The following RPS6KC1 variants were observed in gnomAD, a reference collection of about 807,000 sequenced individuals.
RPS6KC1 encodes the protein ribosomal protein S6 kinase C1.
A neutral mutation model predicts 103.8 loss-of-function variants in RPS6KC1; 54 were observed. That is an observed-to-expected ratio of 0.52 (90% confidence interval 0.42 to 0.65). The LOEUF (loss-of-function observed/expected upper bound fraction) is 0.65. RPS6KC1 is among the 30% of genes least tolerant of loss of function. The pLI, the probability that RPS6KC1 is intolerant of heterozygous loss-of-function variation, is 0.00. For missense variants in RPS6KC1, 1,151 were observed against 1,253.8 expected (o/e 0.92, Z 1.24); for synonymous variants, 439 against 438.7 (o/e 1.00, Z -0.01).
At chr1:213,804,660 T>C in the RPS6KC1 span, among the ~76,000 whole-genome samples, 1 of 152,244 alleles carries the variant, frequency 6.6e-6, no homozygotes, top group Non-Finnish European at 1.5e-5. Flanking sequence ...TATTGTTGTC[T>C]ATCTCCCCCA....
At chr1:213,169,563 T>A (rs1436191018) in intron 7 of RPS6KC1, among the ~76,000 whole-genome samples, 1 of 152,144 alleles carries the variant, frequency 6.6e-6, no homozygotes, top group Non-Finnish European at 1.5e-5. Flanking sequence ...ATTTTATCTT[T>A]TTAAGTGGAA....
At chr1:213,858,428 G>C in the RPS6KC1 span, among the ~76,000 whole-genome samples, 6 of 152,214 alleles carry the variant, frequency 3.9e-5, no homozygotes, top group South Asian at 1.2e-3. Context: ...CACATGTTGG[G>C]GGGGCGGTGG....
At chr1:213,664,299 T>G in the RPS6KC1 span, among the ~76,000 whole-genome samples, 222 of 151,372 alleles carry the variant, frequency 1.5e-3, 2 homozygotes, top group African/African-American at 5.2e-3. Context: ...GCATGTTCCA[T>G]TGTCACATGG....
intron 2 of RPS6KC1, among the ~76,000 whole-genome samples, chr1:213,075,220 A>G (rs1448712796): frequency 6.6e-6 from 1 of 152,134 alleles, no homozygotes; most frequent in Non-Finnish European, 1.5e-5. Flanking sequence ...ACTCATGTCC[A>G]GGTCATAATG....
chr1:213,616,286 C>T, the RPS6KC1 span, among the ~76,000 whole-genome samples: 1 of 152,204 alleles, frequency 6.6e-6, no homozygotes, highest in Non-Finnish European at 1.5e-5. Context: ...TCTGTGGGGG[C>T]TGAGCTGGTC....
the RPS6KC1 span, among the ~76,000 whole-genome samples, chr1:213,389,548 C>T: frequency 1.4e-4 from 21 of 152,324 alleles, no homozygotes; most frequent in African/African-American, 4.3e-4. Context: ...TCTGCATCCG[C>T]GTGCACACTG....
intron 8 of RPS6KC1, among the ~76,000 whole-genome samples, chr1:213,192,408 T>TG: frequency 6.6e-6 from 1 of 152,344 alleles, no homozygotes; most frequent in African/African-American, 2.4e-5. Context: ...AGACTGAGTT[T>TG]GGAAGTATTC....
chr1:213,301,355 T>C, the RPS6KC1 span, among the ~76,000 whole-genome samples: 3 of 152,214 alleles, frequency 2.0e-5, no homozygotes, highest in Admixed American at 6.5e-5. Flanking sequence ...AAAAAATTAA[T>C]GTGAAATTTC....
chr1:213,852,140 A>T, the RPS6KC1 span, among the ~76,000 whole-genome samples: 1 of 146,872 alleles, frequency 6.8e-6, no homozygotes, highest in East Asian at 2.6e-4. Flanking sequence ...GACCTTCTTT[A>T]AAAAAAAAGA....
chr1:213,483,461 C>T, the RPS6KC1 span, among the ~76,000 whole-genome samples: 1 of 152,176 alleles, frequency 6.6e-6, no homozygotes. Flanking sequence ...AATAAAAATG[C>T]TATGAAAATT....
the RPS6KC1 span, among the ~76,000 whole-genome samples, chr1:213,359,473 T>A: frequency 6.6e-6 from 1 of 152,210 alleles, no homozygotes. Context: ...ATGGGTCTCT[T>A]GAATATAGCA....
the RPS6KC1 span, among the ~76,000 whole-genome samples, chr1:213,561,489 T>C: frequency 0.015 from 2,243 of 152,330 alleles, 26 homozygotes; most frequent in South Asian, 0.032. Context: ...TTCCTTCTTA[T>C]GTCATTTGTA....
At chr1:213,321,910 G>A in the RPS6KC1 span, among the ~76,000 whole-genome samples, 1 of 152,230 alleles carries the variant, frequency 6.6e-6, no homozygotes, top group Non-Finnish European at 1.5e-5. Flanking sequence ...GGCACAGGAA[G>A]TGTAAAGGCC....
the RPS6KC1 span, among the ~76,000 whole-genome samples, chr1:213,510,176 T>C: frequency 6.6e-6 from 1 of 152,186 alleles, no homozygotes; most frequent in Admixed American, 6.5e-5. Flanking sequence ...CCTGCTTCAA[T>C]TGCATGCTCT....
At chr1:213,773,713 T>C in the RPS6KC1 span, among the ~76,000 whole-genome samples, 1 of 152,064 alleles carries the variant, frequency 6.6e-6, no homozygotes, top group East Asian at 1.9e-4. Flanking sequence ...TGAGGTGGAA[T>C]TTCTTCTTCT....
chr1:213,087,478 CTCTT>C (rs1357511972), intron 3 of RPS6KC1, among the ~76,000 whole-genome samples: 1 of 152,158 alleles, frequency 6.6e-6, no homozygotes, highest in African/African-American at 2.4e-5. Context: ...AGCTTCAAAT[CTCTT>C]TCTTCATTTC....
At chr1:213,076,132 T>C (rs1399218054) in intron 2 of RPS6KC1, among the ~76,000 whole-genome samples, 1 of 152,236 alleles carries the variant, frequency 6.6e-6, no homozygotes, top group East Asian at 1.9e-4. Context: ...AGTAGGGCCA[T>C]AGAAATATTT....
chr1:213,245,173 AG>A (rs1161970420), intron 12 of RPS6KC1, among the ~76,000 whole-genome samples: 1 of 152,198 alleles, frequency 6.6e-6, no homozygotes, highest in Non-Finnish European at 1.5e-5. Flanking sequence ...TTGCTCCAAA[AG>A]TTCATAGGCA....
At chr1:213,674,689 T>C in the RPS6KC1 span, among the ~76,000 whole-genome samples, 1 of 152,202 alleles carries the variant, frequency 6.6e-6, no homozygotes, top group African/African-American at 2.4e-5. Context: ...TGAATGGTAG[T>C]TATATTTTAC....
Sources: allele counts gnomAD v4.1 joint callset (sites outside exome capture counted in the v4.1 genomes callset), GRCh38; gene constraint gnomAD v4.1.1; transcripts MANE v1.5; gene names NCBI Gene and HGNC (gene_info 2026-07-23, HGNC 2026-07-21).